The following BDH1 variants were observed in gnomAD, a reference collection of about 807,000 sequenced individuals.
BDH1 encodes 3-hydroxybutyrate dehydrogenase 1.
Under a neutral mutation model 33.1 loss-of-function variants are expected in BDH1, and 30 were observed. The ratio of observed to expected loss-of-function variants is 0.91; its 90% confidence interval spans 0.68 to 1.23. The LOEUF (loss-of-function observed/expected upper bound fraction) is 1.23. BDH1 is among the 50% of genes most tolerant of loss of function. BDH1 has a pLI of 0.00. For missense variants in BDH1, 443 were observed against 464.4 expected (o/e 0.95, Z 0.42); for synonymous variants, 190 against 183.6 (o/e 1.03, Z -0.28).
Position 197,514,640 on chromosome 3 carries a change from C to A in BDH1, c.410-224G>T, listed in dbSNP as rs894890148. Among the ~76,000 whole-genome samples the A allele has an allele frequency of 1.3e-5, 2 of 152,138 alleles. No homozygotes were observed. Among genetic ancestry groups the A allele is most frequent in the Non-Finnish European group, 2.9e-5 (2 of 68,022 alleles). On this transcript the variant is annotated intron_variant, in intron 6 of 7. Transcript: ENST00000392379. The surrounding 1 kb of genome is among the most constrained non-coding windows in gnomAD (Gnocchi z 4.2). ...TTGCGTCTAGAATGTCCAGTCCTCA[C>A]GTCACATCTGCCTGGCTCGAGTCTC...
chr3:197,512,431 G>C, intron 7 of BDH1, 67 bp from the exon 8 acceptor site: 1 of 1,502,198 alleles, frequency 6.7e-7, no homozygotes, highest in Non-Finnish European at 8.9e-7. Flanking sequence ...CAGAAGTCTG[G>C]CATGTCTCTA....
intron 1 of BDH1, among the ~76,000 whole-genome samples, chr3:197,570,808 G>C (rs1034667706): frequency 2.0e-5 from 3 of 152,268 alleles, no homozygotes; most frequent in African/African-American, 7.2e-5. Context: ...GAAGGGAAAT[G>C]TGGGGTTGAA....
intron 1 of BDH1, among the ~76,000 whole-genome samples, chr3:197,565,494 T>C (rs956703602): frequency 2.0e-5 from 3 of 152,318 alleles, no homozygotes; most frequent in African/African-American, 7.2e-5. Context: ...TTTGGCTTAT[T>C]TGGTATAAAA....
At chr3:197,560,666 T>G (rs1164157102), upstream of BDH1, among the ~76,000 whole-genome samples, 3 of 152,198 alleles carry the variant, frequency 2.0e-5, no homozygotes, top group Non-Finnish European at 2.9e-5. Context: ...AAGTGCTATT[T>G]CTTTACTGCA....
intron 1 of BDH1, among the ~76,000 whole-genome samples, chr3:197,561,632 TTTG>T (rs757062000): frequency 6.6e-6 from 1 of 152,170 alleles, no homozygotes; most frequent in East Asian, 1.9e-4. Flanking sequence ...TTGTTGGGGT[TTTG>T]TTGTTGTTGT....
At chr3:197,558,187 G>T (rs1388748419), upstream of BDH1, among the ~76,000 whole-genome samples, 1 of 152,238 alleles carries the variant, frequency 6.6e-6, no homozygotes, top group African/African-American at 2.4e-5. Context: ...AACCAGGTAT[G>T]AACAGGTGTA....
chr3:197,512,418 G>A (rs1039817202), intron 7 of BDH1, 54 bp from the exon 8 acceptor site: 43 of 1,531,472 alleles, frequency 2.8e-5, no homozygotes, highest in Non-Finnish European at 3.2e-5. Flanking sequence ...ATGACACAGC[G>A]GGCAGAAGTC....
chr3:197,547,910 A>G (rs188284750), intron 2 of BDH1, among the ~76,000 whole-genome samples: 68 of 152,372 alleles, frequency 4.5e-4, no homozygotes, highest in African/African-American at 1.6e-3. Flanking sequence ...CTCCCATTCA[A>G]CACACAGGTT....
chr3:197,533,795 C>T, intron 3 of BDH1: 1 of 508,466 alleles, frequency 2.0e-6, no homozygotes, highest in East Asian at 3.1e-5. Flanking sequence ...AGAATAAAGC[C>T]AATTCTGAAG....
At position 197,512,334 on chromosome 3, in the gene BDH1, C is replaced by T; in HGVS notation, c.593G>A (p.Gly198Asp). ...GGAGCGGGCCGGGTTGGCCATGCGGCCCAGCATGCTGCTGATATTGACGAC... is the reference window on the plus strand; with the variant it reads ...GGAGCGGGCCGGGTTGGCCATGCGGTCCAGCATGCTGCTGATATTGACGAC... ...GRVVNISSML[G>D]RMANPARSPY... The change falls in exon 8 of 8, where the codon GGC becomes GAC. Residue 198 changes from glycine to aspartate, a missense_variant. Transcript: ENST00000392379. The T allele has an allele frequency of 6.2e-7, 1 of 1,609,602 alleles. No individual in the cohort carries two copies. The highest frequency in any genetic ancestry group is 8.5e-7 in the Non-Finnish European group (1 of 1,179,618).
chr3:197,533,726 G>T, intron 3 of BDH1, 165 bp from the exon 4 acceptor site: 1 of 639,984 alleles, frequency 1.6e-6, no homozygotes, highest in Non-Finnish European at 2.8e-6. Context: ...CTGGCTGATA[G>T]AAAGTGAGCC....
At chr3:197,519,766 G>A (rs937371122) in intron 6 of BDH1, among the ~76,000 whole-genome samples, 71 of 152,142 alleles carry the variant, frequency 4.7e-4, no homozygotes, top group African/African-American at 1.6e-3. Context: ...CCACTGGCTC[G>A]GTGTCCCCTG....
At chr3:197,562,548 A>C (rs919403711) in intron 1 of BDH1, among the ~76,000 whole-genome samples, 1 of 152,198 alleles carries the variant, frequency 6.6e-6, no homozygotes, top group Non-Finnish European at 1.5e-5. Context: ...ATTTAATTTT[A>C]AAAATGGGTC....
At chr3:197,533,838 G>C in intron 3 of BDH1, 1 of 454,858 alleles carries the variant, frequency 2.2e-6, no homozygotes, top group Non-Finnish European at 3.9e-6. Context: ...GCTAAACCCT[G>C]GCCATCCAGT....
At chr3:197,524,141 T>C (rs559118659) in intron 5 of BDH1, among the ~76,000 whole-genome samples, 92 of 152,376 alleles carry the variant, frequency 6.0e-4, no homozygotes, top group African/African-American at 1.8e-3. Flanking sequence ...CTACACTCGA[T>C]GTGAAAATTA....
At chr3:197,513,266 C>A (rs547661396) in intron 7 of BDH1, among the ~76,000 whole-genome samples, 3 of 152,204 alleles carry the variant, frequency 2.0e-5, no homozygotes, top group South Asian at 2.1e-4. Context: ...GAAGCCGAGG[C>A]GGATCTGGGA....
In BDH1 at chr3:197,522,697, C is replaced by T. The variant is rs771764181; in HGVS notation, c.352G>A (p.Glu118Lys). ...ATCTCCACCACTTTCTCCACCTCTT[C>T]GCTGCTGCAGACATTGAGCTGGACG... Reference protein sequence around the residue: ...RTVQLNVCSSEEVEKVVEIVR... With the variant: ...RTVQLNVCSSKEVEKVVEIVR... The change falls in exon 6 of 8, where the codon GAA (glutamate) becomes AAA (lysine). Residue 118 changes from glutamate to lysine, a missense_variant. Glu to Lys is a moderately conservative substitution (Grantham distance 56). Coordinates refer to ENST00000392379, the MANE Select transcript of BDH1 (RefSeq NM_203314.3). This position sits in a 1 kb window ranked among gnomAD's most constrained non-coding sequence, Gnocchi z 4.8. 23 of 1,614,210 alleles carry T rather than the reference C, an allele frequency of 1.4e-5. No homozygotes were observed. The highest frequency in any genetic ancestry group is 6.7e-5 in the Admixed American group (4 of 60,036).
rs1220454949 is a variant in BDH1 at position 197,526,333 on chromosome 3, T to A, written c.268-3552A>T. ...TTTTCTAGCTCCTCTCCCCTCCTAT[T>A]CTTAACTTCTGACCCTTCCAAGGTT... On this transcript the variant is annotated intron_variant, in intron 5 of 7. Coordinates refer to ENST00000392379, the MANE Select transcript of BDH1 (RefSeq NM_203314.3). The surrounding 1 kb of genome is among the most constrained non-coding windows in gnomAD (Gnocchi z 4.7). Among the ~76,000 whole-genome samples, 2 of 152,136 alleles carry A rather than the reference T, an allele frequency of 1.3e-5. No homozygotes were observed. The highest frequency in any genetic ancestry group is 2.4e-5 in the African/African-American group (1 of 41,402).
In BDH1 at chr3:197,514,374, C is replaced by T; in HGVS notation, c.452G>A (p.Gly151Glu). ...CTCCAGGCTGGTGAACTCCACCTCC[C>T]CGAACGTTGAGATGCCGGCATTGTT... Reference protein sequence around the residue: ...LVNNAGISTFGEVEFTSLETY... With the variant: ...LVNNAGISTFEEVEFTSLETY... Residue 151 changes from glycine to glutamate, a missense_variant, in exon 7 of 8, where the codon GGG becomes GAG. Gly to Glu is a moderately conservative substitution (Grantham distance 98). Coordinates refer to ENST00000392379, the MANE Select transcript of BDH1 (RefSeq NM_203314.3). This position sits in a 1 kb window ranked among gnomAD's most constrained non-coding sequence, Gnocchi z 4.2. 6.2e-7 allele frequency: 1 copy of T among 1,612,906 alleles called. No homozygotes were observed. Among genetic ancestry groups the T allele is most frequent in the Non-Finnish European group, 8.5e-7 (1 of 1,179,434 alleles).
Sources: allele counts gnomAD v4.1 joint callset (sites outside exome capture counted in the v4.1 genomes callset), GRCh38; gene constraint gnomAD v4.1.1; non-coding constraint Gnocchi (gnomAD v3.1); transcripts MANE v1.5; gene names NCBI Gene and HGNC (gene_info 2026-07-23, HGNC 2026-07-21).